The following MARCHF1 variants were observed in gnomAD, a reference collection of about 807,000 sequenced individuals.
MARCHF1 encodes E3 ubiquitin-protein ligase MARCHF1.
Under a neutral mutation model 54.2 loss-of-function variants are expected in MARCHF1, and 40 were observed. The observed-to-expected ratio is 0.74, with a 90% CI of 0.57 to 0.96. MARCHF1 has a LOEUF of 0.96. Ranked by LOEUF, MARCHF1 falls within the 40% of genes least tolerant of loss-of-function variation. MARCHF1 has a pLI of 0.00. For missense variants in MARCHF1, 586 were observed against 656.5 expected (o/e 0.89, Z 1.17); for synonymous variants, 236 against 236.3 (o/e 1.00, Z 0.01).
intron 1 of MARCHF1, among the ~76,000 whole-genome samples, chr4:164,203,505 G>A (rs1353869700): frequency 2.0e-5 from 3 of 152,108 alleles, no homozygotes; most frequent in Non-Finnish European, 4.4e-5. Flanking sequence ...TCTTTTGTTC[G>A]ATTGCAGTCT....
intron 2 of MARCHF1, among the ~76,000 whole-genome samples, chr4:164,008,551 G>A (rs1207906800): frequency 5.3e-5 from 8 of 151,872 alleles, no homozygotes; most frequent in African/African-American, 1.7e-4. Context: ...ATCACTACAT[G>A]GATCAACCTC....
At chr4:164,310,542 G>A (rs1734821615) in intron 1 of MARCHF1, among the ~76,000 whole-genome samples, 1 of 133,380 alleles carries the variant, frequency 7.5e-6, no homozygotes, top group South Asian at 2.7e-4. Flanking sequence ...TACAGGACGT[G>A]TAGATTCAAG....
chr4:164,355,553 G>A (rs1393895414), intron 1 of MARCHF1, among the ~76,000 whole-genome samples: 1 of 93,988 alleles, frequency 1.1e-5, no homozygotes, highest in Admixed American at 1.3e-4. Flanking sequence ...GGGAAAACTG[G>A]CTAGCCATAT....
intron 4 of MARCHF1, among the ~76,000 whole-genome samples, chr4:163,731,085 A>G (rs1398511761): frequency 1.3e-5 from 2 of 152,220 alleles, no homozygotes; most frequent in African/African-American, 4.8e-5. Flanking sequence ...TTCTTAATTC[A>G]TAACTCTGAT....
chr4:163,806,160 G>T (rs747778548), intron 4 of MARCHF1, among the ~76,000 whole-genome samples: 7 of 152,080 alleles, frequency 4.6e-5, no homozygotes, highest in African/African-American at 7.2e-5. Flanking sequence ...CTCAATTATT[G>T]GGAAATAAAC....
At chr4:164,027,850 G>T (rs1173075336) in intron 2 of MARCHF1, among the ~76,000 whole-genome samples, 1 of 152,014 alleles carries the variant, frequency 6.6e-6, no homozygotes, top group Middle Eastern at 3.2e-3. Flanking sequence ...TCTGACAAAG[G>T]TGAAATATCC....
intron 8 of MARCHF1, among the ~76,000 whole-genome samples, chr4:163,574,764 G>A (rs1382376519): frequency 3.3e-5 from 5 of 152,018 alleles, no homozygotes; most frequent in African/African-American, 1.2e-4. Context: ...CTCCAGCTTC[G>A]TTCTTTTGGC....
chr4:164,026,627 C>T lies in MARCHF1; in HGVS notation c.-247-37918G>A, dbSNP rs377146009. On this transcript the variant is annotated intron_variant, in intron 2 of 9. Coordinates refer to ENST00000514618, the MANE Select transcript of MARCHF1 (RefSeq NM_001394959.1). ...CATCTATGGCAAACCAACAGCCAAT[C>T]TCATACTGAGTGGGCAAAAGCTGGA... Among the ~76,000 whole-genome samples the T allele has an allele frequency of 5.9e-5, 9 of 152,148 alleles. No individual in the cohort carries two copies. The East Asian group carries it at 1.7e-3, about 29-fold the overall frequency.
chr4:163,756,610 C>T (rs1370587625), intron 4 of MARCHF1, among the ~76,000 whole-genome samples: 99 of 116,688 alleles, frequency 8.5e-4, no homozygotes, highest in Non-Finnish European at 1.3e-3. Context: ...CCAGCCTGGG[C>T]GACAGAGCGA....
At chr4:164,176,646 C>T (rs544167987) in intron 1 of MARCHF1, among the ~76,000 whole-genome samples, 3 of 151,944 alleles carry the variant, frequency 2.0e-5, no homozygotes, top group Non-Finnish European at 4.4e-5. Context: ...ATCTAAGATG[C>T]AGCTTTTCTG....
At chr4:163,973,032 A>G (rs1317111774) in intron 3 of MARCHF1, among the ~76,000 whole-genome samples, 2 of 152,222 alleles carry the variant, frequency 1.3e-5, no homozygotes, top group African/African-American at 2.4e-5. Flanking sequence ...TGGTATTAAA[A>G]TAGATTGTCA....
intron 3 of MARCHF1, among the ~76,000 whole-genome samples, chr4:163,916,773 C>T (rs1751317062): frequency 6.6e-6 from 1 of 152,106 alleles, no homozygotes; most frequent in Non-Finnish European, 1.5e-5. Flanking sequence ...CACAGATGTA[C>T]AGCCACTGCC....
chr4:164,342,519 TATAATA>T (rs200393707), intron 1 of MARCHF1, among the ~76,000 whole-genome samples: 2 of 146,652 alleles, frequency 1.4e-5, no homozygotes, highest in Admixed American at 1.5e-4. Context: ...AAACTTAAAG[TATAATA>T]ATAATAATAA....
Position 164,143,467 on chromosome 4 carries a change from A to G in MARCHF1, c.-322-31805T>C, listed in dbSNP as rs369175387. Among the ~76,000 whole-genome samples the G allele has an allele frequency of 3.6e-4, 54 of 150,608 alleles. 1 individual carries two copies. In the South Asian group the frequency reaches 8.6e-3, roughly 24 times the overall value. ...AAGGGAAGCCCATCAGACTAACAGC[A>G]GATCTCTCGGCAGAAACTCTACAAG... On this transcript the variant is annotated intron_variant, in intron 1 of 9. Coordinates refer to ENST00000514618, the MANE Select transcript of MARCHF1 (RefSeq NM_001394959.1).
At position 163,934,872 on chromosome 4, in the gene MARCHF1, CT is replaced by C. The variant is rs149179830; in HGVS notation, c.-39+53628del. ...AATGTTGATATGTTGATCTCCTCCC[CT>C]GAATCACAAATATTCTTAATGACAT... is the stretch of plus-strand genomic sequence containing the variant. On this transcript the variant is annotated intron_variant, in intron 3 of 9. Coordinates refer to ENST00000514618, the MANE Select transcript of MARCHF1 (RefSeq NM_001394959.1). Among the ~76,000 whole-genome samples, 508 of 152,216 alleles carry C rather than the reference CT, an allele frequency of 3.3e-3. 6 individuals carry two copies. Among genetic ancestry groups the C allele is most frequent in the African/African-American group, 0.011 (471 of 41,540 alleles).
chr4:164,176,968 CTCTCTCTCTCTCT>C (rs1730691756), intron 1 of MARCHF1, among the ~76,000 whole-genome samples: 18 of 43,298 alleles, frequency 4.2e-4, no homozygotes, highest in African/African-American at 1.6e-3. Context: ...CTCTCTCTCT[CTCTCTCTCTCTCT>C]ATATATATAT....
chr4:163,548,334 A>G (rs1738980833), intron 8 of MARCHF1, among the ~76,000 whole-genome samples: 1 of 152,210 alleles, frequency 6.6e-6, no homozygotes, highest in Admixed American at 6.5e-5. Context: ...AAATATTCAT[A>G]TCAAATCAAC....
At chr4:164,021,421 C>T (rs1174652892) in intron 2 of MARCHF1, among the ~76,000 whole-genome samples, 1 of 152,118 alleles carries the variant, frequency 6.6e-6, no homozygotes, top group Non-Finnish European at 1.5e-5. Flanking sequence ...TTTTTATTTA[C>T]TTAACCCCAT....
At chr4:163,547,820 C>T (rs1334058208) in intron 8 of MARCHF1, among the ~76,000 whole-genome samples, 5 of 152,178 alleles carry the variant, frequency 3.3e-5, no homozygotes, top group African/African-American at 1.2e-4. Context: ...AAACACCATC[C>T]CTTCCTCTCC....
Sources: gnomAD v4.1 joint callset for allele counts (sites outside exome capture counted in the v4.1 genomes callset) on GRCh38, gnomAD v4.1.1 for gene constraint, MANE v1.5 for transcripts, NCBI Gene and HGNC (gene_info 2026-07-23, HGNC 2026-07-21) for gene names.